The following AMMECR1 variants were observed in gnomAD, a reference collection of about 807,000 sequenced individuals.
AMMECR1 encodes the protein nuclear protein AMMECR1.
AMMECR1 carries 3 observed loss-of-function variants against 22.5 expected under a neutral mutation model. That is an observed-to-expected ratio of 0.13 (90% CI 0.06 to 0.35). The LOEUF (loss-of-function observed/expected upper bound fraction) is 0.35, where lower values mean the gene tolerates loss of function less well. Ranked by LOEUF, AMMECR1 falls within the 10% of genes least tolerant of loss-of-function variation. AMMECR1 has a pLI of 1.00. For synonymous variants in AMMECR1, 130 were observed against 116.7 expected (o/e 1.11, Z -0.74); for missense variants, 235 against 278.7 (o/e 0.84, Z 1.12).
chrX:110,355,178 T>C (rs1003766173), intron 2 of AMMECR1, among the ~76,000 whole-genome samples: 1 of 111,876 alleles, frequency 8.9e-6, no homozygotes, highest in South Asian at 3.7e-4. Flanking sequence ...GATTAAAAAA[T>C]GGGCAAGGCA....
At chrX:110,233,098 T>G (rs1393471195) in intron 2 of AMMECR1, among the ~76,000 whole-genome samples, 3 of 108,316 alleles carry the variant, frequency 2.8e-5, no homozygotes, top group Non-Finnish European at 5.7e-5. Context: ...GCAAGACTAA[T>G]AAGAAGAGAG....
chrX:110,249,063 G>A (rs1043376317), intron 2 of AMMECR1, among the ~76,000 whole-genome samples: 1 of 111,670 alleles, frequency 9.0e-6, no homozygotes, highest in East Asian at 2.8e-4. Context: ...GAGGATAGCT[G>A]TGAAGAAAAA....
chrX:110,365,213 C>G lies in AMMECR1; in HGVS notation c.-147-47364G>C, dbSNP rs779279728. ...TAGTTAAAAATGTCAGTTTCCTGGT[C>G]CTTTATAGCAGACTTACTGAGTTAG... On this transcript the variant is annotated intron_variant, in intron 2 of 7. Coordinates refer to the AMMECR1 transcript ENST00000372057. Among the ~76,000 whole-genome samples the G allele has an allele frequency of 3.6e-5, 4 of 111,691 alleles. No homozygotes were observed. In the South Asian group the frequency reaches 1.5e-3, roughly 43 times the overall value.
chrX:110,300,684 T>A (rs2067961506), intron 1 of AMMECR1, among the ~76,000 whole-genome samples: 1 of 112,265 alleles, frequency 8.9e-6, no homozygotes, highest in Non-Finnish European at 1.9e-5. Flanking sequence ...AATTTTACAT[T>A]CTACACTATA....
chrX:110,338,635 C>A (rs563315368), intron 2 of AMMECR1, among the ~76,000 whole-genome samples: 3 of 112,016 alleles, frequency 2.7e-5, no homozygotes, highest in Admixed American at 9.5e-5. Context: ...CAGGCTCCAG[C>A]TGCCCTCTGA....
intron 4 of AMMECR1, among the ~76,000 whole-genome samples, chrX:110,201,331 G>T (rs762129041): frequency 8.9e-6 from 1 of 111,856 alleles, no homozygotes; most frequent in South Asian, 3.7e-4. Flanking sequence ...GGCAGAAATT[G>T]CTCAGTCATG....
chrX:110,331,020 C>T (rs948844018), intron 2 of AMMECR1, among the ~76,000 whole-genome samples: 4 of 110,111 alleles, frequency 3.6e-5, no homozygotes, highest in African/African-American at 9.9e-5. Context: ...TTGTCCTTGT[C>T]CTATCAGACC....
At chrX:110,322,688 A>G (rs183570438), upstream of AMMECR1, among the ~76,000 whole-genome samples, 361 of 111,658 alleles carry the variant, frequency 3.2e-3, 2 homozygotes, top group African/African-American at 0.011. Flanking sequence ...CACTCATGGC[A>G]CCGAGGAGCA....
chrX:110,379,747 G>T (rs1391918264), intron 2 of AMMECR1, among the ~76,000 whole-genome samples: 1 of 111,894 alleles, frequency 8.9e-6, no homozygotes, highest in Admixed American at 9.5e-5. Flanking sequence ...CATTTAGACA[G>T]ACTTCCCAAT....
chrX:110,255,815 T>C (rs959402805), intron 2 of AMMECR1, among the ~76,000 whole-genome samples: 2 of 112,361 alleles, frequency 1.8e-5, no homozygotes. Flanking sequence ...AGTTTCCATA[T>C]GTAGATTTAC....
intron 1 of AMMECR1, among the ~76,000 whole-genome samples, chrX:110,282,948 G>A (rs2067860576): frequency 8.9e-6 from 1 of 111,760 alleles, no homozygotes; most frequent in Non-Finnish European, 1.9e-5. Context: ...ACCAACCAAG[G>A]ATATCTGGCT....
chrX:110,303,779 T>G (rs2067980476), intron 1 of AMMECR1, among the ~76,000 whole-genome samples: 1 of 112,536 alleles, frequency 8.9e-6, no homozygotes, highest in Non-Finnish European at 1.9e-5. Flanking sequence ...ACACTGTTAG[T>G]GAGCATTACG....
intron 2 of AMMECR1, among the ~76,000 whole-genome samples, chrX:110,405,252 T>A (rs934500112): frequency 9.0e-6 from 1 of 111,388 alleles, no homozygotes; most frequent in African/African-American, 3.3e-5. Context: ...GGGAAGAAGA[T>A]GTAGAATGCC....
At position 110,259,422 on chromosome X, in the gene AMMECR1, T is replaced by C. The variant is rs193195216; in HGVS notation, c.584+5067A>G. ...CAACAAAGGAGAAAAAAAGATAGTC[T>C]TTTAAGTGTGGTGACAGACCACAAT... On this transcript the variant is annotated intron_variant, in intron 2 of 5. Coordinates refer to ENST00000262844, the MANE Select transcript of AMMECR1 (RefSeq NM_015365.3). Among the ~76,000 whole-genome samples the C allele has an allele frequency of 3.6e-4, 40 of 111,267 alleles. No homozygotes were observed. In the East Asian group the frequency reaches 9.8e-3, roughly 27 times the overall value.
chrX:110,284,052 G>C (rs1170887049), intron 1 of AMMECR1, among the ~76,000 whole-genome samples: 4 of 111,426 alleles, frequency 3.6e-5, no homozygotes, highest in African/African-American at 1.3e-4. Context: ...CATGAACCCA[G>C]GAGGCGGCGG....
At chrX:110,317,279 G>A (rs922679382) in intron 1 of AMMECR1, among the ~76,000 whole-genome samples, 4 of 111,335 alleles carry the variant, frequency 3.6e-5, no homozygotes, top group African/African-American at 1.3e-4. Flanking sequence ...TCCAAAACCG[G>A]GGCAGGGTGA....
chrX:110,260,127 G>A (rs2067732535), intron 2 of AMMECR1, among the ~76,000 whole-genome samples: 1 of 111,287 alleles, frequency 9.0e-6, no homozygotes, highest in African/African-American at 3.3e-5. Context: ...CAAATTCTAT[G>A]GATAGACTTT....
chrX:110,337,567 A>G (rs1439685993), intron 2 of AMMECR1, among the ~76,000 whole-genome samples: 1 of 111,790 alleles, frequency 8.9e-6, no homozygotes, highest in Non-Finnish European at 1.9e-5. Context: ...ACAGAAAATA[A>G]AGAGTATTGG....
At chrX:110,392,311 C>CT (rs2068500176) in intron 2 of AMMECR1, among the ~76,000 whole-genome samples, 2 of 96,745 alleles carry the variant, frequency 2.1e-5, no homozygotes, top group African/African-American at 7.8e-5. Context: ...AGGTCTCACT[C>CT]TATCACCCAG....
Sources: allele counts gnomAD v4.1 joint callset (sites outside exome capture counted in the v4.1 genomes callset), GRCh38; gene constraint gnomAD v4.1.1; transcripts MANE v1.5; gene names NCBI Gene and HGNC (gene_info 2026-07-23, HGNC 2026-07-21).